The following IFT74 variants were observed in gnomAD, a reference collection of about 807,000 sequenced individuals.
IFT74 encodes intraflagellar transport protein 74 homolog.
IFT74 carries 92 observed loss-of-function variants against 96.7 expected under a neutral mutation model. The observed-to-expected ratio is 0.95, with a 90% confidence interval of 0.80 to 1.13. IFT74 has a LOEUF of 1.13. Ranked by LOEUF, IFT74 falls within the 50% of genes most tolerant of loss-of-function variation. The pLI is 0.00. For missense variants in IFT74, 811 were observed against 698.2 expected, an observed-to-expected ratio of 1.16 and a Z score of -1.82; for synonymous variants, 223 against 213.2, an observed-to-expected ratio of 1.05 and a Z score of -0.40.
Position 26,991,703 on chromosome 9 carries a change from A to AG in IFT74, c.587+1509dup, listed in dbSNP as rs200178058. ...AAATATTTATCATTTACTATATATA[A>AG]GATACTCTCTTAGGTACTTCAAAGA... On this transcript the variant is annotated intron_variant, in intron 8 of 19. Coordinates refer to ENST00000380062, the MANE Select transcript of IFT74 (RefSeq NM_025103.4). Among the ~76,000 whole-genome samples, 825 of 152,064 alleles carry AG rather than the reference A, an allele frequency of 5.4e-3. 6 individuals carry two copies. Among genetic ancestry groups the AG allele is most frequent in the African/African-American group, 0.018 (763 of 41,482 alleles).
At chr9:27,008,363 CTT>C (rs776804561) in intron 8 of IFT74, among the ~76,000 whole-genome samples, 2 of 145,562 alleles carry the variant, frequency 1.4e-5, no homozygotes, top group Non-Finnish European at 3.0e-5. Flanking sequence ...ACTTATTTGT[CTT>C]TTTTTTTTTT....
At chr9:27,008,721 G>A (rs1424131337) in intron 8 of IFT74, among the ~76,000 whole-genome samples, 1 of 152,054 alleles carries the variant, frequency 6.6e-6, no homozygotes, top group Non-Finnish European at 1.5e-5. Context: ...ATATATATAA[G>A]TCATTAAGGA....
chr9:26,956,562 T>A (rs1826108880), intron 1 of IFT74, 46 bp downstream of exon 1: 1 of 152,378 alleles, frequency 6.6e-6, no homozygotes. Flanking sequence ...CTCCCACGTC[T>A]GTTCTCTTGC....
Position 27,039,296 on chromosome 9 carries a change from A to G in IFT74, c.1055-5446A>G, listed in dbSNP as rs1819362312. Among the ~76,000 whole-genome samples the G allele has an allele frequency of 2.6e-5, 4 of 152,098 alleles. No homozygotes were observed. The South Asian group carries it at 8.3e-4, about 31-fold the overall frequency. On this transcript the variant is annotated intron_variant, in intron 13 of 19. Coordinates refer to ENST00000380062, the MANE Select transcript of IFT74 (RefSeq NM_025103.4). Reference sequence around the variant, plus strand: ...TCCTCTTATCTTGGCCTCCCAAAGTATTGGGATCATAGGTGTGAGCCACTG... The same window carrying G: ...TCCTCTTATCTTGGCCTCCCAAAGTGTTGGGATCATAGGTGTGAGCCACTG...
At chr9:27,013,732 A>T (rs1482744056) in intron 10 of IFT74, among the ~76,000 whole-genome samples, 1 of 152,122 alleles carries the variant, frequency 6.6e-6, no homozygotes, top group East Asian at 1.9e-4. Context: ...GCGTTTCAGT[A>T]TACTGTCTGT....
chr9:26,965,713 G>T (rs1826579970), intron 2 of IFT74, among the ~76,000 whole-genome samples: 1 of 151,980 alleles, frequency 6.6e-6, no homozygotes, highest in Non-Finnish European at 1.5e-5. Context: ...TGAAGTGTGG[G>T]CTTTTAGTGT....
chr9:26,970,009 T>G (rs2131503425), intron 2 of IFT74, among the ~76,000 whole-genome samples: 1 of 152,188 alleles, frequency 6.6e-6, no homozygotes, highest in East Asian at 1.9e-4. Flanking sequence ...TGACTTCCTA[T>G]TCTCTTTTTT....
chr9:26,950,156 CA>C (rs1460987368), intron 1 of IFT74, among the ~76,000 whole-genome samples: 1 of 151,996 alleles, frequency 6.6e-6, no homozygotes, highest in African/African-American at 2.4e-5. Flanking sequence ...ACTAAAAATA[CA>C]AAAAGTTAGC....
rs142262921 is a variant in IFT74 at position 27,020,145 on chromosome 9, T to C, written c.974+1458T>C. Among the ~76,000 whole-genome samples the C allele has an allele frequency of 6.5e-3, 982 of 152,064 alleles. 5 individuals are homozygous for C. Among genetic ancestry groups the C allele is most frequent in the Non-Finnish European group, 0.01 (689 of 67,968 alleles). On this transcript the variant is annotated intron_variant, in intron 12 of 19. Transcript: ENST00000380062. The stretch of plus-strand genomic sequence containing the variant: ...CACACAGCACCATACCCGGCTAAGA[T>C]TGTTTTAATTTTAATCAACTAAGTT...
chr9:26,947,267 C>A (rs1825768173), intron 1 of IFT74: 1 of 547,574 alleles, frequency 1.8e-6, no homozygotes. Flanking sequence ...AATTCATCAT[C>A]GGCCTCAGCC....
intron 1 of IFT74, chr9:26,947,190 G>A (rs1166084133): frequency 7.1e-6 from 7 of 989,806 alleles, no homozygotes; most frequent in Non-Finnish European, 9.8e-6. Context: ...AGCCGGTACG[G>A]AAGGGCGGCT....
At position 27,026,859 on chromosome 9, in the gene IFT74, A is replaced by G. The variant is rs115582855; in HGVS notation, c.975-2166A>G. On this transcript the variant is annotated intron_variant, in intron 12 of 19. Transcript: ENST00000380062. ...GGAACATTCAGAGCATTAAGTGCCTACATCAAAAAGTCTGAAAGAACACAA... is the reference window on the plus strand; with the variant it reads ...GGAACATTCAGAGCATTAAGTGCCTGCATCAAAAAGTCTGAAAGAACACAA... 8.1e-3 allele frequency among the ~76,000 whole-genome samples: 1,231 copies of G among 152,322 alleles called. 22 individuals carry two copies. The highest frequency in any genetic ancestry group is 0.028 in the African/African-American group (1,167 of 41,572).
chr9:27,047,199 T>G, intron 14 of IFT74, 75 bp from the exon 15 acceptor site: 1 of 875,494 alleles, frequency 1.1e-6, no homozygotes, highest in Non-Finnish European at 1.8e-6. Context: ...AAAGCACTCT[T>G]AAGAACTGCA....
intron 3 of IFT74, 152 bp from the exon 4 acceptor site, chr9:26,980,419 C>T (rs1827319995): frequency 4.3e-6 from 3 of 690,378 alleles, no homozygotes; most frequent in South Asian, 1.5e-5. Flanking sequence ...GGTATTAGTT[C>T]TCTTTTCAGT....
chr9:26,977,995 T>C, intron 2 of IFT74, 133 bp from the exon 3 acceptor site: 1 of 681,546 alleles, frequency 1.5e-6, no homozygotes, highest in Admixed American at 3.6e-5. Context: ...ATTCAGACAT[T>C]TAAAAAATAA....
At chr9:26,955,934 G>A (rs1826072438), upstream of IFT74, 1 of 151,826 alleles carries the variant, frequency 6.6e-6, no homozygotes, top group Non-Finnish European at 1.5e-5. Flanking sequence ...AAGACGCAAA[G>A]CTTCTGGTGA....
At chr9:26,986,953 A>T (rs1184055718) in intron 6 of IFT74, among the ~76,000 whole-genome samples, 1 of 152,192 alleles carries the variant, frequency 6.6e-6, no homozygotes, top group Non-Finnish European at 1.5e-5. Context: ...CCTGGACTAC[A>T]CAATTCATCA....
At chr9:26,976,640 T>G (rs962306164) in intron 2 of IFT74, 1 of 413,598 alleles carries the variant, frequency 2.4e-6, no homozygotes, top group Non-Finnish European at 4.8e-6. Context: ...GGCTGTGGCA[T>G]GCCTGGGCAT....
rs10967624 is a variant in IFT74, at chr9:26,962,407, C to A, written c.120+320C>A. Among the ~76,000 whole-genome samples the A allele has an allele frequency of 0.061, 9,317 of 152,182 alleles. 324 individuals carry two copies. Among genetic ancestry groups the A allele is most frequent in the South Asian group, 0.13 (606 of 4,816 alleles). On this transcript the variant is annotated intron_variant, in intron 2 of 19. Coordinates refer to ENST00000380062, the MANE Select transcript of IFT74 (RefSeq NM_025103.4). ...TGAAAGACACTCTGGGAAGAAGATG[C>A]CTGCTCCTGCAGATACTCAATTTAA...
Sources: gnomAD v4.1 joint callset for allele counts (sites outside exome capture counted in the v4.1 genomes callset) on GRCh38, gnomAD v4.1.1 for gene constraint, MANE v1.5 for transcripts, NCBI Gene and HGNC (gene_info 2026-07-23, HGNC 2026-07-21) for gene names.